PIEZO1: variants seen among roughly 807,000 people sequenced by gnomAD.
PIEZO1 encodes piezo-type mechanosensitive ion channel component 1.
A neutral mutation model predicts 297.2 loss-of-function variants in PIEZO1; 296 were observed. That is an observed-to-expected ratio of 1.00 (90% CI 0.91 to 1.10). The LOEUF is 1.10. Ranked by LOEUF, PIEZO1 falls within the 50% of genes least tolerant of loss-of-function variation. The pLI is 0.00. For missense variants in PIEZO1, 5,018 were observed against 3,455.5 expected, an observed-to-expected ratio of 1.45 and a Z score of -11.34; for synonymous variants, 2,427 against 1,507.5, an observed-to-expected ratio of 1.61 and a Z score of -14.13.
In PIEZO1 at chr16:88,727,062, G is replaced by T; in HGVS notation, c.3432C>A (p.Pro1144=). Residue 1144 remains proline, a synonymous_variant, in exon 24 of 51, where the codon CCC becomes CCA. Coordinates refer to ENST00000301015, the MANE Select transcript of PIEZO1 (RefSeq NM_001142864.4). ...RLEPLRGEPN[P]VPNFIHCRSY... is the part of the protein sequence containing the mutation. The stretch of plus-strand genomic sequence containing the variant: ...ACCTGCAGTGGATAAAGTTGGGCAC[G>T]GGGTTGGGCTCCCCCCGCAGCGGCT... 1 of 1,549,178 alleles carries T rather than the reference G, an allele frequency of 6.5e-7. No individual in the cohort carries two copies. Among genetic ancestry groups the T allele is most frequent in the South Asian group, 1.2e-5 (1 of 84,004 alleles).
intron 1 of PIEZO1, among the ~76,000 whole-genome samples, chr16:88,778,853 G>C (rs889577081): frequency 2.0e-5 from 3 of 152,154 alleles, no homozygotes; most frequent in Non-Finnish European, 4.4e-5. Flanking sequence ...AGCAGCCGCC[G>C]AGGCACAAGG....
In PIEZO1 at chr16:88,732,539, C is replaced by A. The variant is rs758152024; in HGVS notation, c.2791-4G>T. The A allele has an allele frequency of 6.5e-6, 10 of 1,545,794 alleles. No individual in the cohort carries two copies. The highest frequency in any genetic ancestry group is 7.9e-6 in the Non-Finnish European group (9 of 1,143,386). On this transcript the variant is annotated splice_region_variant and splice_polypyrimidine_tract_variant and intron_variant, in intron 20 of 50. Transcript: ENST00000301015. Reference sequence around the variant, plus strand: ...GCAGCAGCACTTGCAGGTGGTTCTGCGGAGGGCAAGGGTCAGGGGGCAGCC... The same window carrying A: ...GCAGCAGCACTTGCAGGTGGTTCTGAGGAGGGCAAGGGTCAGGGGGCAGCC...
At position 88,785,160 on chromosome 16, in the gene PIEZO1, C is replaced by A; in HGVS notation, c.-196G>T. On this transcript the variant is annotated 5_prime_UTR_variant, in exon 1 of 51. Transcript: ENST00000301015. The stretch of plus-strand genomic sequence containing the variant: ...CGCGCTCGCTCAGGCGACCGCCCTG[C>A]CCCTCGGCGGAGCGCAGCGCTCGGC... 1 of 294,766 alleles carries A rather than the reference C, an allele frequency of 3.4e-6. No individual in the cohort carries two copies. Among genetic ancestry groups the A allele is most frequent in the African/African-American group, 2.2e-5 (1 of 45,058 alleles). The allele number at this position is 294,766 out of a possible 1,614,324, so 18.3% of individuals were successfully genotyped here.
intron 17 of PIEZO1, 52 bp downstream of exon 17, chr16:88,733,854 G>A (rs901869886): frequency 8.2e-6 from 12 of 1,464,848 alleles, no homozygotes; most frequent in African/African-American, 2.8e-5. Context: ...CCCCGAGCTG[G>A]GACATGGCAC....
intron 10 of PIEZO1, chr16:88,737,325 G>T: frequency 2.0e-6 from 1 of 500,062 alleles, no homozygotes; most frequent in Non-Finnish European, 3.6e-6. Flanking sequence ...TCAACGACGC[G>T]GCCACTCAGC....
chr16:88,764,476 G>A (rs1003196518), intron 1 of PIEZO1, among the ~76,000 whole-genome samples: 1 of 152,026 alleles, frequency 6.6e-6, no homozygotes, highest in East Asian at 1.9e-4. Context: ...TGCCAGGCCG[G>A]GCGCGGTGGC....
At position 88,716,975 on chromosome 16, in the gene PIEZO1, A is replaced by T. The variant is rs1237534266; in HGVS notation, c.6660+48T>A. 1.1e-5 allele frequency: 17 copies of T among 1,547,738 alleles called. No individual in the cohort carries two copies. The East Asian group carries it at 3.4e-4, about 31-fold the overall frequency. On this transcript the variant is annotated intron_variant, in intron 45 of 50. Transcript: ENST00000301015. The stretch of plus-strand genomic sequence containing the variant: ...CTGGGGGTGGTGCACCACCTTGGCC[A>T]GAACCCCCAGGGGATGGGAATGGAC...
At position 88,715,437 on chromosome 16, in the gene PIEZO1, A is replaced by G. The variant is rs914719660; in HGVS notation, c.*168T>C. ...AGCGCCACGCAGGCCGTGGGGACGC[A>G]GTGTCCTTCTCTGACAGCAGCATCA... On this transcript the variant is annotated 3_prime_UTR_variant, in exon 51 of 51. Coordinates refer to ENST00000301015, the MANE Select transcript of PIEZO1 (RefSeq NM_001142864.4). 9.7e-6 allele frequency: 9 copies of G among 930,676 alleles called. No homozygotes were observed. The highest frequency in any genetic ancestry group is 6.6e-5 in the African/African-American group (4 of 60,526). The allele number at this position is 930,676 out of a possible 1,614,324, so 57.7% of individuals were successfully genotyped here. A position where few individuals can be genotyped will look rare whatever the true frequency, so the allele number is the denominator to read the frequency against.
intron 1 of PIEZO1, among the ~76,000 whole-genome samples, chr16:88,775,454 C>A (rs575346234): frequency 6.6e-6 from 1 of 152,180 alleles, no homozygotes; most frequent in Non-Finnish European, 1.5e-5. Flanking sequence ...GGGGGCCCGG[C>A]GCAGTGGCTC....
intron 1 of PIEZO1, among the ~76,000 whole-genome samples, chr16:88,776,669 C>T (rs1907680068): frequency 6.6e-6 from 1 of 152,310 alleles, no homozygotes; most frequent in Non-Finnish European, 1.5e-5. Flanking sequence ...GGGCCACACA[C>T]CAGGGGCAGA....
At chr16:88,743,105 G>A (rs1905800975) in intron 2 of PIEZO1, 1 of 456,574 alleles carries the variant, frequency 2.2e-6, no homozygotes, top group South Asian at 1.5e-5. Context: ...CCATCTGGTT[G>A]CCTGGCAGCC....
chr16:88,725,896 T>G (rs1428080238), intron 27 of PIEZO1: 1 of 577,210 alleles, frequency 1.7e-6, no homozygotes. Flanking sequence ...TGCAGGGGCG[T>G]CTGGTGGCAC....
At chr16:88,755,425 C>A (rs1292257012) in intron 1 of PIEZO1, among the ~76,000 whole-genome samples, 1 of 152,182 alleles carries the variant, frequency 6.6e-6, no homozygotes, top group Non-Finnish European at 1.5e-5. Context: ...CTAAACAAAC[C>A]CGGTGCTGCA....
chr16:88,784,619 G>A (rs1174134840), intron 1 of PIEZO1, among the ~76,000 whole-genome samples: 1 of 151,864 alleles, frequency 6.6e-6, no homozygotes, highest in East Asian at 1.9e-4. Context: ...GGAGACGCCA[G>A]CCGCGCTATG....
Position 88,784,944 on chromosome 16 carries a change from G to A in PIEZO1, c.21C>T (p.Gly7=), listed in dbSNP as rs1908113687. The A allele has an allele frequency of 1.4e-6, 2 of 1,391,738 alleles. No individual in the cohort carries two copies. The highest frequency in any genetic ancestry group is 1.4e-5 in the South Asian group (1 of 70,004). The allele number at this position is 1,391,738 out of a possible 1,614,324, so 86.2% of individuals were successfully genotyped here. A position where few individuals can be genotyped will look rare whatever the true frequency, so the allele number is the denominator to read the frequency against. MEPHVL[G]AVLYWLLLPC... is the part of the protein sequence containing the mutation. ...GCAGCAGCAGCCAGTACAGGACCGC[G>A]CCGAGCACGTGCGGCTCCATGGCTG... Residue 7 remains glycine (G), a synonymous_variant, in exon 1 of 51, where the codon GGC becomes GGT. Coordinates refer to ENST00000301015, the MANE Select transcript of PIEZO1 (RefSeq NM_001142864.4).
At chr16:88,733,053 G>A in intron 19 of PIEZO1, 1 of 589,876 alleles carries the variant, frequency 1.7e-6, no homozygotes, top group African/African-American at 1.9e-5. Context: ...GAGACCCTGG[G>A]ACTCCGCCCC....
rs1473258583 is a variant in PIEZO1, at chr16:88,727,574, T to C, written c.3284A>G (p.Asn1095Ser). The C allele has an allele frequency of 6.6e-7, 1 of 1,511,172 alleles. No individual in the cohort carries two copies. Among genetic ancestry groups the C allele is most frequent in the Admixed American group, 2.1e-5 (1 of 48,072 alleles). 93.6% of individuals were successfully genotyped at this position (1,511,172 alleles called of 1,614,324 possible). The part of the protein sequence containing the change: ...LYLPDFFRAP[N>S]STNLISDFLL... ...GCACTCACTGATGAGGTTGGTGGAG[T>C]TGGGGGCCCGGAAGAAATCAGGCAG... Residue 1095 changes from asparagine (N) to serine (S), a missense_variant, in exon 23 of 51, where the codon AAC becomes AGC. By Grantham distance (46) the Asn-to-Ser change is conservative. Transcript: ENST00000301015.
Position 88,737,539 on chromosome 16 carries a change from T to G in PIEZO1, c.1195+20A>C. The stretch of plus-strand genomic sequence containing the variant: ...CCCGCCCCCCGCACCCAGCCATACC[T>G]TGCAGTGTGCGGTACTCACCAGGCC... On this transcript the variant is annotated intron_variant, in intron 10 of 50. Transcript: ENST00000301015. 26 of 1,497,454 alleles carry G rather than the reference T, an allele frequency of 1.7e-5. No homozygotes were observed. The highest frequency in any genetic ancestry group is 2.2e-5 in the Non-Finnish European group (25 of 1,114,060). The allele number at this position is 1,497,454 out of a possible 1,614,324, so 92.8% of individuals were successfully genotyped here. A position where few individuals can be genotyped will look rare whatever the true frequency, so the allele number is the denominator to read the frequency against.
In PIEZO1 at chr16:88,720,380, C is replaced by G; in HGVS notation, c.5949+5G>C. The stretch of plus-strand genomic sequence containing the variant: ...CACTGGGTTTGGGTCCCGGGCCTGG[C>G]TCACCCCAAAGGCCCAGAAGCCAAA... On this transcript the variant is annotated splice_donor_5th_base_variant and intron_variant, in intron 41 of 50. Coordinates refer to ENST00000301015, the MANE Select transcript of PIEZO1 (RefSeq NM_001142864.4). 1 of 1,550,308 alleles carries G rather than the reference C, an allele frequency of 6.5e-7. No homozygotes were observed.
Sources: allele counts gnomAD v4.1 joint callset (sites outside exome capture counted in the v4.1 genomes callset), GRCh38; gene constraint gnomAD v4.1.1; transcripts MANE v1.5; gene names NCBI Gene and HGNC (gene_info 2026-07-23, HGNC 2026-07-21).